Variants in DCHS2 observed in about 807,000 individuals in gnomAD.
The protein encoded by DCHS2 is protocadherin-23.
DCHS2 carries 142 observed loss-of-function variants against 182.4 expected under a neutral mutation model. The observed-to-expected ratio is 0.78, with a 90% CI of 0.68 to 0.89. DCHS2 has a LOEUF of 0.89. Ranked by LOEUF, DCHS2 falls within the 40% of genes least tolerant of loss-of-function variation. The probability of loss-of-function intolerance (pLI) is 0.00; values close to 1 mark genes in which losing one functional copy is unlikely to be tolerated. For synonymous variants in DCHS2, 1,740 were observed against 1,663.3 expected (o/e 1.05, Z -1.12); for missense variants, 4,319 against 4,198.6 (o/e 1.03, Z -0.79).
At chr4:154,303,504 A>AAAT (rs58987527) in intron 12 of DCHS2, among the ~76,000 whole-genome samples, 1 of 137,206 alleles carries the variant, frequency 7.3e-6, no homozygotes, top group Middle Eastern at 3.5e-3. Context: ...AAAAAAAAAA[A>AAAT]GCTGAAGATC....
At chr4:154,250,599 C>G (rs1328166808) in intron 16 of DCHS2, among the ~76,000 whole-genome samples, 1 of 152,074 alleles carries the variant, frequency 6.6e-6, no homozygotes, top group African/African-American at 2.4e-5. Flanking sequence ...GAAAAAGAAC[C>G]ATTCTATCTC....
At chr4:154,307,288 C>A (rs919043707) in intron 10 of DCHS2, among the ~76,000 whole-genome samples, 5 of 152,160 alleles carry the variant, frequency 3.3e-5, no homozygotes, top group African/African-American at 4.8e-5. Context: ...CCTCACTGAG[C>A]AAATTGGAAA....
intron 1 of DCHS2, among the ~76,000 whole-genome samples, chr4:154,403,005 C>CT (rs1157962119): frequency 6.6e-6 from 1 of 152,144 alleles, no homozygotes; most frequent in Non-Finnish European, 1.5e-5. Flanking sequence ...AAAACAATTG[C>CT]TTGTGGTATA....
intron 12 of DCHS2, among the ~76,000 whole-genome samples, chr4:154,301,498 T>TTATTTA (rs1465052315): frequency 2.6e-5 from 4 of 152,136 alleles, no homozygotes; most frequent in African/African-American, 9.6e-5. Flanking sequence ...ATTTATTTAT[T>TTATTTA]TATTTATTTT....
intron 1 of DCHS2, among the ~76,000 whole-genome samples, chr4:154,400,391 C>G (rs1472792791): frequency 1.3e-5 from 2 of 149,978 alleles, no homozygotes; most frequent in Admixed American, 6.7e-5. Flanking sequence ...TTCCAGGGTC[C>G]TTCTCATCCA....
intron 1 of DCHS2, among the ~76,000 whole-genome samples, chr4:154,401,862 T>C (rs7349602): frequency 0.71 from 107,442 of 151,970 alleles, 39,775 homozygotes; most frequent in Admixed American, 0.81. Flanking sequence ...GGCATGGTGG[T>C]GCGTGCCTAT....
At chr4:154,267,469 C>A (rs1022140919) in intron 14 of DCHS2, among the ~76,000 whole-genome samples, 2 of 152,104 alleles carry the variant, frequency 1.3e-5, no homozygotes, top group Admixed American at 6.5e-5. Context: ...ACTGGTGGAA[C>A]CATTCCATAA....
At chr4:154,336,784 C>G (rs574265045) in intron 3 of DCHS2, among the ~76,000 whole-genome samples, 10 of 152,196 alleles carry the variant, frequency 6.6e-5, no homozygotes, top group African/African-American at 2.4e-4. Flanking sequence ...TTAAGGTGTA[C>G]AATTTGACAA....
chr4:154,249,013 G>C (rs1732219710), intron 16 of DCHS2, among the ~76,000 whole-genome samples: 1 of 152,176 alleles, frequency 6.6e-6, no homozygotes, highest in African/African-American at 2.4e-5. Flanking sequence ...TACCCTTCTT[G>C]AAATTGGCCC....
intron 12 of DCHS2, among the ~76,000 whole-genome samples, chr4:154,301,385 T>C (rs2111290734): frequency 6.6e-6 from 1 of 152,354 alleles, no homozygotes; most frequent in African/African-American, 2.4e-5. Context: ...GTAACAATAC[T>C]TCCATTTTTA....
intron 16 of DCHS2, among the ~76,000 whole-genome samples, chr4:154,243,867 C>A (rs141898967): frequency 2.0e-5 from 3 of 152,138 alleles, no homozygotes; most frequent in Admixed American, 1.3e-4. Flanking sequence ...CTCTATATTG[C>A]GCTCAATTGC....
In DCHS2 at chr4:154,311,513, G is replaced by A. The variant is rs533509513; in HGVS notation, c.5260+4235C>T. On this transcript the variant is annotated intron_variant, in intron 10 of 19. Transcript: ENST00000357232. Reference sequence around the variant, plus strand: ...GCCTTCCAAAGCACTAGTATTACAGGCATGAGCCACCGTGCCCAGCCAAGA... The same window carrying A: ...GCCTTCCAAAGCACTAGTATTACAGACATGAGCCACCGTGCCCAGCCAAGA... Among the ~76,000 whole-genome samples the A allele has an allele frequency of 3.9e-5, 6 of 152,236 alleles. No individual in the cohort carries two copies. In the South Asian group the frequency reaches 1.2e-3, roughly 32 times the overall value.
chr4:154,287,425 C>T (rs1734453593), intron 13 of DCHS2, among the ~76,000 whole-genome samples: 1 of 152,002 alleles, frequency 6.6e-6, no homozygotes, highest in Non-Finnish European at 1.5e-5. Flanking sequence ...CAAGACAGTA[C>T]AATAAGATAG....
chr4:154,333,605 A>G (rs1426038921), intron 4 of DCHS2, 111 bp from the exon 5 acceptor site: 4 of 989,268 alleles, frequency 4.0e-6, no homozygotes, highest in Non-Finnish European at 4.4e-6. Context: ...ACTTCAGTCA[A>G]TGATGGATCA....
At chr4:154,368,781 G>A (rs916702275) in intron 2 of DCHS2, among the ~76,000 whole-genome samples, 1 of 152,172 alleles carries the variant, frequency 6.6e-6, no homozygotes, top group African/African-American at 2.4e-5. Flanking sequence ...TTACAGGCAT[G>A]AGCCACCATG....
intron 9 of DCHS2, among the ~76,000 whole-genome samples, chr4:154,317,931 ATAT>A (rs1348536620): frequency 6.6e-6 from 1 of 152,184 alleles, no homozygotes; most frequent in Non-Finnish European, 1.5e-5. Flanking sequence ...TTAAAAATAT[ATAT>A]TATTTCCAAT....
chr4:154,264,692 T>G (rs1343951613), intron 14 of DCHS2, among the ~76,000 whole-genome samples: 1 of 152,142 alleles, frequency 6.6e-6, no homozygotes, highest in Admixed American at 6.5e-5. Flanking sequence ...AAAAGTATTT[T>G]AAAAGCATGG....
At position 154,386,898 on chromosome 4, in the gene DCHS2, C is replaced by T. The variant is rs115278999; in HGVS notation, c.2053-9454G>A. On this transcript the variant is annotated intron_variant, in intron 1 of 19. Coordinates refer to ENST00000357232, the MANE Select transcript of DCHS2 (RefSeq NM_001358235.2). ...TTACTCATAAAACACTATCTATTAACGAAGCTATATTATCATACAATAAGA... is the reference window on the plus strand; with the variant it reads ...TTACTCATAAAACACTATCTATTAATGAAGCTATATTATCATACAATAAGA... Among the ~76,000 whole-genome samples the T allele has an allele frequency of 9.5e-3, 1,443 of 152,190 alleles. 19 individuals are homozygous for T. Among genetic ancestry groups the T allele is most frequent in the African/African-American group, 0.031 (1,297 of 41,522 alleles).
Position 154,266,133 on chromosome 4 carries a change from G to T in DCHS2, c.6577+3767C>A, listed in dbSNP as rs551649708. 5.3e-5 allele frequency among the ~76,000 whole-genome samples: 8 copies of T among 152,240 alleles called. No individual in the cohort carries two copies. The East Asian group carries it at 1.2e-3, about 22-fold the overall frequency. On this transcript the variant is annotated intron_variant, in intron 14 of 19. Coordinates refer to ENST00000357232, the MANE Select transcript of DCHS2 (RefSeq NM_001358235.2). The stretch of plus-strand genomic sequence containing the variant: ...AGATGACAAAATGCCCACATGATAA[G>T]GTAAAGTGAGGTAAATGACATGGGC...
Sources: allele counts gnomAD v4.1 joint callset (sites outside exome capture counted in the v4.1 genomes callset), GRCh38; gene constraint gnomAD v4.1.1; transcripts MANE v1.5; gene names NCBI Gene and HGNC (gene_info 2026-07-23, HGNC 2026-07-21).